ST6GALNAC3: variants seen among roughly 807,000 people sequenced by gnomAD.
ST6GALNAC3 encodes ST6 N-acetylgalactosaminide alpha-2,6-sialyltransferase 3, also known as alpha-N-acetylgalactosaminide alpha-2,6-sialyltransferase 3.
A neutral mutation model predicts 32.7 loss-of-function variants in ST6GALNAC3; 25 were observed. The ratio of observed to expected loss-of-function variants is 0.76; its 90% confidence interval spans 0.56 to 1.07. ST6GALNAC3 has a LOEUF of 1.07. ST6GALNAC3 is among the 50% of genes least tolerant of loss of function. ST6GALNAC3 has a pLI of 0.00. For synonymous variants in ST6GALNAC3, 129 were observed against 133.1 expected (o/e 0.97, Z 0.21); for missense variants, 355 against 382.4 (o/e 0.93, Z 0.60).
At chr1:76,187,704 C>G (rs1285080871) in intron 1 of ST6GALNAC3, among the ~76,000 whole-genome samples, 1 of 152,062 alleles carries the variant, frequency 6.6e-6, no homozygotes, top group Non-Finnish European at 1.5e-5. Context: ...CGAAGACTCT[C>G]TTCTCACTCT....
At chr1:76,349,579 C>T (rs1466607611) in intron 2 of ST6GALNAC3, among the ~76,000 whole-genome samples, 1 of 152,050 alleles carries the variant, frequency 6.6e-6, no homozygotes, top group Non-Finnish European at 1.5e-5. Flanking sequence ...AGGAAAATGA[C>T]CCAAAAGATT....
intron 3 of ST6GALNAC3, among the ~76,000 whole-genome samples, chr1:76,471,511 C>G (rs1274051664): frequency 6.6e-6 from 1 of 152,068 alleles, no homozygotes; most frequent in Non-Finnish European, 1.5e-5. Context: ...GTTACCTACC[C>G]ATAGTGGGCA....
chr1:76,218,144 G>GTGT (rs1202660765), intron 1 of ST6GALNAC3, among the ~76,000 whole-genome samples: 2 of 152,046 alleles, frequency 1.3e-5, no homozygotes, highest in African/African-American at 4.8e-5. Context: ...GAGTGTAAAA[G>GTGT]TGTTCCCTTT....
intron 1 of ST6GALNAC3, among the ~76,000 whole-genome samples, chr1:76,304,144 C>T (rs1292564249): frequency 6.7e-6 from 1 of 149,526 alleles, no homozygotes; most frequent in Non-Finnish European, 1.5e-5. Flanking sequence ...TCATTTAATC[C>T]CTCTGTCCTT....
intron 3 of ST6GALNAC3, among the ~76,000 whole-genome samples, chr1:76,529,576 C>T (rs1663124607): frequency 6.6e-6 from 1 of 152,042 alleles, no homozygotes; most frequent in Admixed American, 6.6e-5. Flanking sequence ...TAGCCCAATC[C>T]CAATTATCTC....
intron 1 of ST6GALNAC3, among the ~76,000 whole-genome samples, chr1:76,282,244 G>A (rs1659538564): frequency 1.3e-5 from 2 of 151,916 alleles, no homozygotes. Context: ...TCAGGTGAGA[G>A]GGAATGGAGG....
chr1:76,627,711 C>A lies in ST6GALNAC3; in HGVS notation c.731+152C>A, dbSNP rs111987138. On this transcript the variant is annotated intron_variant, in intron 4 of 4. Transcript: ENST00000328299. ...CTGACATGACATTTTATTGTCAGTG[C>A]GTCAAGTTGTGACTTCTAGGGGTGA... is the stretch of plus-strand genomic sequence containing the variant. The A allele has an allele frequency of 4.3e-6, 3 of 701,264 alleles. No individual in the cohort carries two copies. In the African/African-American group the frequency reaches 5.4e-5, roughly 13 times the overall value. 43.4% of individuals were successfully genotyped at this position (701,264 alleles called of 1,614,324 possible). A position where few individuals can be genotyped will look rare whatever the true frequency, so the allele number is the denominator to read the frequency against.
intron 1 of ST6GALNAC3, among the ~76,000 whole-genome samples, chr1:76,294,470 C>T (rs1014231591): frequency 1.3e-5 from 2 of 151,922 alleles, no homozygotes; most frequent in African/African-American, 4.8e-5. Flanking sequence ...TATTGCACTT[C>T]TAATCAAAAA....
At chr1:76,283,390 A>G (rs1388067598) in intron 1 of ST6GALNAC3, among the ~76,000 whole-genome samples, 1 of 152,152 alleles carries the variant, frequency 6.6e-6, no homozygotes, top group Non-Finnish European at 1.5e-5. Flanking sequence ...ATTTAAATAA[A>G]CTTAAATACT....
At chr1:76,450,705 T>G (rs1330061841) in intron 3 of ST6GALNAC3, among the ~76,000 whole-genome samples, 1 of 152,214 alleles carries the variant, frequency 6.6e-6, no homozygotes. Flanking sequence ...TATAAATGCT[T>G]GAGCCATCTT....
At chr1:76,365,132 A>G (rs1650268154) in intron 2 of ST6GALNAC3, among the ~76,000 whole-genome samples, 1 of 152,260 alleles carries the variant, frequency 6.6e-6, no homozygotes, top group Admixed American at 6.5e-5. Context: ...ACCATGGAAT[A>G]CTACGCAGCC....
intron 1 of ST6GALNAC3, among the ~76,000 whole-genome samples, chr1:76,312,599 AT>A (rs975079174): frequency 7.2e-5 from 11 of 152,144 alleles, no homozygotes; most frequent in African/African-American, 2.7e-4. Context: ...AAATAAAAAA[AT>A]AAACAGCCCC....
intron 3 of ST6GALNAC3, among the ~76,000 whole-genome samples, chr1:76,502,100 C>T (rs1162908351): frequency 6.6e-6 from 1 of 152,210 alleles, no homozygotes; most frequent in Non-Finnish European, 1.5e-5. Context: ...TTTCTCAGAG[C>T]CCCACAGCAG....
At chr1:76,478,887 T>C (rs993338471) in intron 3 of ST6GALNAC3, among the ~76,000 whole-genome samples, 6 of 149,916 alleles carry the variant, frequency 4.0e-5, no homozygotes, top group South Asian at 2.2e-4. Flanking sequence ...CTCAGCCTCC[T>C]GAGTAGCTGG....
rs191242375 is a variant in ST6GALNAC3 at position 76,219,552 on chromosome 1, C to T, written c.19-94253C>T. ...TGAGGGGGTCCTTGAGGCCAGCTTC[C>T]CCTGGGCACAGAAATGTGCTCTCCC... On this transcript the variant is annotated intron_variant, in intron 1 of 4. Coordinates refer to ENST00000328299, the MANE Select transcript of ST6GALNAC3 (RefSeq NM_152996.4). Among the ~76,000 whole-genome samples the T allele has an allele frequency of 3.7e-3, 558 of 152,242 alleles. 5 individuals are homozygous for T. The highest frequency in any genetic ancestry group is 6.5e-3 in the Non-Finnish European group (439 of 68,022).
At chr1:76,205,074 A>T (rs939445378) in intron 1 of ST6GALNAC3, among the ~76,000 whole-genome samples, 3 of 152,124 alleles carry the variant, frequency 2.0e-5, no homozygotes, top group Admixed American at 6.6e-5. Context: ...GTCAGGCCAG[A>T]TCTTTTATCT....
intron 1 of ST6GALNAC3, among the ~76,000 whole-genome samples, chr1:76,103,091 T>G (rs973568015): frequency 7.2e-5 from 11 of 151,782 alleles, no homozygotes; most frequent in African/African-American, 2.7e-4. Context: ...TTTTTCACCC[T>G]TATGCTGATT....
chr1:76,239,359 C>A (rs1656839611), intron 1 of ST6GALNAC3, among the ~76,000 whole-genome samples: 1 of 151,936 alleles, frequency 6.6e-6, no homozygotes, highest in Admixed American at 6.6e-5. Flanking sequence ...ATCCATTGTG[C>A]ATTGCTATAA....
Position 76,632,463 on chromosome 1 carries a change from C to A in ST6GALNAC3, c.*3657C>A, listed in dbSNP as rs1246942763. On this transcript the variant is annotated 3_prime_UTR_variant, in exon 5 of 5. Transcript: ENST00000328299. ...CACACTGAAGTAAATGAACATTGGTCCTCCTATTCAAATAAGCCAGTCTTT... is the reference window on the plus strand; with the variant it reads ...CACACTGAAGTAAATGAACATTGGTACTCCTATTCAAATAAGCCAGTCTTT... 1.3e-5 allele frequency: 2 copies of A among 152,130 alleles called. No individual in the cohort carries two copies. Among genetic ancestry groups the A allele is most frequent in the Non-Finnish European group, 1.5e-5 (1 of 67,998 alleles). The allele number at this position is 152,130 out of a possible 1,614,324, so 9.4% of individuals were successfully genotyped here. A position where few individuals can be genotyped will look rare whatever the true frequency, so the allele number is the denominator to read the frequency against.
Sources: gnomAD v4.1 joint callset for allele counts (sites outside exome capture counted in the v4.1 genomes callset) on GRCh38, gnomAD v4.1.1 for gene constraint, MANE v1.5 for transcripts, NCBI Gene and HGNC (gene_info 2026-07-23, HGNC 2026-07-21) for gene names.